Variants in FOXP2 observed in about 807,000 individuals in gnomAD.
FOXP2 encodes the protein forkhead box P2.
A neutral mutation model predicts 115.8 loss-of-function variants in FOXP2; 12 were observed. The observed-to-expected ratio is 0.10, with a 90% confidence interval of 0.07 to 0.17. The LOEUF (loss-of-function observed/expected upper bound fraction) is 0.17. Ranked by LOEUF, FOXP2 falls within the 10% of genes least tolerant of loss-of-function variation. FOXP2 has a pLI of 1.00. For missense variants in FOXP2, 629 were observed against 843.5 expected (o/e 0.75, Z 3.15); for synonymous variants, 328 against 297.7 (o/e 1.10, Z -1.05).
intron 2 of FOXP2, among the ~76,000 whole-genome samples, chr7:114,288,652 A>G (rs1422013633): frequency 1.3e-5 from 2 of 151,708 alleles, no homozygotes; most frequent in Non-Finnish European, 2.9e-5. Context: ...TTTAATGTTG[A>G]GTATCTTTAA....
chr7:114,571,394 C>A (rs1362736453), intron 3 of FOXP2, among the ~76,000 whole-genome samples: 1 of 151,762 alleles, frequency 6.6e-6, no homozygotes, highest in East Asian at 1.9e-4. Context: ...TAGCAGTTAT[C>A]CTTGGAAATG....
intron 3 of FOXP2, among the ~76,000 whole-genome samples, chr7:114,593,828 A>G (rs906711231): frequency 3.3e-5 from 5 of 152,168 alleles, no homozygotes; most frequent in East Asian, 1.9e-4. Context: ...AATAAGTTCT[A>G]TGCTTCATTT....
chr7:114,642,808 A>ATT (rs1470050405), intron 7 of FOXP2, among the ~76,000 whole-genome samples, 185 bp downstream of exon 7: 8 of 58,470 alleles, frequency 1.4e-4, no homozygotes, highest in African/African-American at 1.8e-4. Context: ...ATATATATAT[A>ATT]TATATTTTTT....
At chr7:114,496,662 G>T (rs993943871) in intron 2 of FOXP2, among the ~76,000 whole-genome samples, 7 of 152,074 alleles carry the variant, frequency 4.6e-5, no homozygotes, top group Admixed American at 3.9e-4. Context: ...CATTGAACTA[G>T]TTCCTACCCA....
In FOXP2 at chr7:114,319,166, G is replaced by T. The variant is rs1445900867; in HGVS notation, c.-11+31057G>T. On this transcript the variant is annotated intron_variant, in intron 2 of 17. Coordinates refer to the FOXP2 transcript ENST00000634411. ...GTTGGACCTGTGATGGGGGGTTGGGGGGGCGGGTCCCTCACGTGGGAAACT... is the reference window on the plus strand; with the variant it reads ...GTTGGACCTGTGATGGGGGGTTGGGTGGGCGGGTCCCTCACGTGGGAAACT... 2.6e-5 allele frequency among the ~76,000 whole-genome samples: 4 copies of T among 151,154 alleles called. No individual in the cohort carries two copies. The East Asian group carries it at 5.9e-4, about 22-fold the overall frequency.
At chr7:114,143,525 A>G (rs1744060372) in intron 1 of FOXP2, among the ~76,000 whole-genome samples, 1 of 152,116 alleles carries the variant, frequency 6.6e-6, no homozygotes, top group Non-Finnish European at 1.5e-5. Flanking sequence ...CAATTTCAAT[A>G]CAGATTGTTA....
chr7:114,388,419 G>A (rs1792508394), intron 2 of FOXP2, among the ~76,000 whole-genome samples: 1 of 150,286 alleles, frequency 6.7e-6, no homozygotes, highest in Admixed American at 6.6e-5. Flanking sequence ...GTCTCTGAGA[G>A]TTTTGCATTT....
chr7:114,661,106 CTT>C (rs1157160687), intron 13 of FOXP2, among the ~76,000 whole-genome samples: 1 of 144,642 alleles, frequency 6.9e-6, no homozygotes, highest in Non-Finnish European at 1.5e-5. Context: ...AGCAGCTTGT[CTT>C]TGTGCAAATA....
At chr7:114,538,391 C>T in intron 3 of FOXP2, 1 of 1,298,128 alleles carries the variant, frequency 7.7e-7, no homozygotes, top group Non-Finnish European at 1.0e-6. Context: ...AAGGTAAATG[C>T]CATTGCTTTG....
intron 3 of FOXP2, among the ~76,000 whole-genome samples, chr7:114,552,991 C>G (rs532331449): frequency 5.3e-4 from 80 of 152,090 alleles, no homozygotes; most frequent in Admixed American, 1.8e-3. Context: ...GAAAATAGTT[C>G]TCTCTCCCAG....
chr7:114,541,974 A>G (rs1799686047), intron 3 of FOXP2, among the ~76,000 whole-genome samples: 2 of 152,078 alleles, frequency 1.3e-5, no homozygotes. Context: ...GCTAAATTGA[A>G]TGACAAAGTG....
chr7:114,259,380 A>G (rs1795692963), intron 1 of FOXP2, among the ~76,000 whole-genome samples: 1 of 152,224 alleles, frequency 6.6e-6, no homozygotes, highest in African/African-American at 2.4e-5. Context: ...TATAAAATAG[A>G]TTAGTTACTA....
intron 2 of FOXP2, among the ~76,000 whole-genome samples, chr7:114,289,274 TGTAA>T (rs1443264170): frequency 1.3e-5 from 2 of 151,894 alleles, no homozygotes; most frequent in South Asian, 4.1e-4. Flanking sequence ...TAATTTATGA[TGTAA>T]GTAAGGTTGA....
intron 6 of FOXP2, among the ~76,000 whole-genome samples, chr7:114,633,143 A>T (rs1057133500): frequency 6.6e-6 from 1 of 152,110 alleles, no homozygotes; most frequent in Non-Finnish European, 1.5e-5. Context: ...CCACAATCTT[A>T]TTTTATTAAT....
chr7:114,681,586 G>A (rs1459237822), intron 16 of FOXP2, among the ~76,000 whole-genome samples: 1 of 152,102 alleles, frequency 6.6e-6, no homozygotes, highest in Non-Finnish European at 1.5e-5. Flanking sequence ...TATGTACAGA[G>A]CATTTCAATG....
chr7:114,264,037 G>A (rs369194388), intron 1 of FOXP2, among the ~76,000 whole-genome samples: 11 of 152,038 alleles, frequency 7.2e-5, no homozygotes, highest in African/African-American at 2.4e-4. Context: ...ACCTTTTTAC[G>A]CTGCCGCCCA....
intron 2 of FOXP2, among the ~76,000 whole-genome samples, chr7:114,329,499 A>G (rs1182732842): frequency 7.4e-5 from 11 of 149,630 alleles, no homozygotes; most frequent in Admixed American, 5.3e-4. Context: ...AGCCTGGGCG[A>G]CAAGAGTGAA....
intron 2 of FOXP2, among the ~76,000 whole-genome samples, chr7:114,294,904 A>T (rs563841050): frequency 6.6e-6 from 1 of 152,100 alleles, no homozygotes; most frequent in South Asian, 2.1e-4. Context: ...ACATGCATGC[A>T]TGCATATATA....
chr7:114,484,419 T>C (rs1796684781), intron 2 of FOXP2, among the ~76,000 whole-genome samples: 1 of 151,844 alleles, frequency 6.6e-6, no homozygotes, highest in Non-Finnish European at 1.5e-5. Context: ...TGGTGTACAA[T>C]CCAGTGGTCA....
Sources: gnomAD v4.1 joint callset for allele counts (sites outside exome capture counted in the v4.1 genomes callset) on GRCh38, gnomAD v4.1.1 for gene constraint, MANE v1.5 for transcripts, NCBI Gene and HGNC (gene_info 2026-07-23, HGNC 2026-07-21) for gene names.